The following KIF1C variants were observed in gnomAD, a reference collection of about 807,000 sequenced individuals.
KIF1C encodes the protein kinesin-like protein KIF1C.
KIF1C carries 61 observed loss-of-function variants against 126.5 expected under a neutral mutation model. That is an observed-to-expected ratio of 0.48 (90% confidence interval 0.39 to 0.60). The LOEUF (loss-of-function observed/expected upper bound fraction) is 0.60. KIF1C is among the 20% of genes least tolerant of loss of function. KIF1C has a pLI of 0.00. For synonymous variants in KIF1C, 640 were observed against 580.6 expected, an observed-to-expected ratio of 1.10 and a Z score of -1.47; for missense variants, 1,315 against 1,489.2, an observed-to-expected ratio of 0.88 and a Z score of 1.93.
intron 16 of KIF1C, chr17:5,011,542 A>G (rs968297097): frequency 6.6e-6 from 1 of 152,246 alleles, no homozygotes; most frequent in African/African-American, 2.4e-5. Flanking sequence ...CACCGCCTCA[A>G]ATCGTGTTCC....
rs774144740 is a variant in KIF1C, at chr17:5,004,601, G to A, written c.975G>A (p.Leu325=). ...CACGCACAGCCATGATTGCAGCCCT[G>A]AGCCCTGCTGACATCAATTACGAGG... ...GNSRTAMIAA[L]SPADINYEET... The change falls in exon 12 of 23, where the codon CTG becomes CTA. Residue 325 remains leucine, a synonymous_variant. Transcript: ENST00000320785. 2.5e-6 allele frequency: 4 copies of A among 1,614,068 alleles called. No homozygotes were observed. In the African/African-American group the frequency reaches 4.0e-5, roughly 16 times the overall value.
intron 18 of KIF1C, chr17:5,019,244 G>A (rs1337844631): frequency 3.6e-5 from 6 of 167,632 alleles, no homozygotes; most frequent in Non-Finnish European, 7.3e-5. Flanking sequence ...TTACTTTTTT[G>A]GGCCTTCTAA....
In KIF1C at chr17:5,000,681, T is replaced by C. The variant is rs1458320222; in HGVS notation, c.107-91T>C. On this transcript the variant is annotated intron_variant, in intron 3 of 22. Coordinates refer to ENST00000320785, the MANE Select transcript of KIF1C (RefSeq NM_006612.6). ...GTCAGGACAGTGGTGAGGAGTGGGA[T>C]GCTTGGATTCCAGGGGCTGGTTGGG... 5.3e-6 allele frequency: 6 copies of C among 1,128,474 alleles called. No homozygotes were observed. In the East Asian group the frequency reaches 1.4e-4, roughly 26 times the overall value. The allele number at this position is 1,128,474 out of a possible 1,614,324, so 69.9% of individuals were successfully genotyped here.
rs572156268 is a variant in KIF1C, at chr17:5,001,349, C to A, written c.311C>A (p.Ser104Tyr). 1 of 1,614,094 alleles carries A rather than the reference C, an allele frequency of 6.2e-7. No homozygotes were observed. The highest frequency in any genetic ancestry group is 2.2e-5 in the East Asian group (1 of 44,884). Reference sequence around the variant, plus strand: ...TATGGGCAGACCGGGGCTGGGAAATCCTATACCATGATGGGGCGACAGGAG... The same window carrying A: ...TATGGGCAGACCGGGGCTGGGAAATACTATACCATGATGGGGCGACAGGAG... ...FAYGQTGAGK[S>Y]YTMMGRQEPG... Residue 104 changes from serine to tyrosine, a missense_variant, in exon 5 of 23, where the codon TCC becomes TAC. Around this residue, in one of 2 missense-constraint regions of KIF1C, gnomAD observed 874 missense variants for 1,053.2 expected, o/e 0.83. Coordinates refer to ENST00000320785, the MANE Select transcript of KIF1C (RefSeq NM_006612.6).
In KIF1C at chr17:5,001,323, C is replaced by T. The variant is rs1430985908; in HGVS notation, c.285C>T (p.Ala95=). The T allele has an allele frequency of 1.2e-6, 2 of 1,614,168 alleles. No homozygotes were observed. The highest frequency in any genetic ancestry group is 1.3e-5 in the African/African-American group (1 of 75,048). ...AAGGCTACAACGTGTGCATCTTTGC[C>T]TATGGGCAGACCGGGGCTGGGAAAT... ...AFEGYNVCIF[A]YGQTGAGKSY... The change falls in exon 5 of 23, where the codon GCC becomes GCT. Residue 95 remains alanine, a synonymous_variant. Coordinates refer to ENST00000320785, the MANE Select transcript of KIF1C (RefSeq NM_006612.6).
rs34061009 is a variant in KIF1C, at chr17:5,026,740, C to CA, written c.*2610dup. On this transcript the variant is annotated 3_prime_UTR_variant, in exon 23 of 23. Transcript: ENST00000320785. ...GGCCTGGGCAAGAGTGGGACTCTCT[C>CA]AAAAAAAAAAAAAAAAAAAAATCCA... 60,370 of 98,900 alleles carry CA rather than the reference C, an allele frequency of 0.61. 19,294 individuals carry two copies. Among genetic ancestry groups the CA allele is most frequent in the Non-Finnish European group, 0.7 (36,127 of 51,886 alleles). The allele number at this position is 98,900 out of a possible 1,614,324, so 6.1% of individuals were successfully genotyped here. A position where few individuals can be genotyped will look rare whatever the true frequency, so the allele number is the denominator to read the frequency against.
Position 5,023,514 on chromosome 17 carries a change from C to T in KIF1C, c.2675C>T (p.Pro892Leu), listed in dbSNP as rs768593463. Residue 892 changes from proline to leucine, a missense_variant, in exon 23 of 23, where the codon CCG becomes CTG. Physicochemically the swap from Pro to Leu is moderately conservative, Grantham distance 98. This residue lies in a region of KIF1C where 441 missense variants were observed against 436.1 expected (regional missense o/e 1.01). Coordinates refer to ENST00000320785, the MANE Select transcript of KIF1C (RefSeq NM_006612.6). This position sits in a 1 kb window ranked among gnomAD's most constrained non-coding sequence, Gnocchi z 4.2. Reference protein sequence around the residue: ...NEEGGEVPWAPPEGSEAAEEA... With the variant: ...NEEGGEVPWALPEGSEAAEEA... Reference sequence around the variant, plus strand: ...GAAGGTGGTGAGGTCCCCTGGGCCCCGCCTGAAGGATCAGAGGCAGCAGAG... The same window carrying T: ...GAAGGTGGTGAGGTCCCCTGGGCCCTGCCTGAAGGATCAGAGGCAGCAGAG... The T allele has an allele frequency of 1.2e-5, 20 of 1,613,914 alleles. No homozygotes were observed. Among genetic ancestry groups the T allele is most frequent in the African/African-American group, 1.2e-4 (9 of 74,868 alleles).
intron 3 of KIF1C, 67 bp from the exon 4 acceptor site, chr17:5,000,705 G>A (rs1974566144): frequency 5.7e-6 from 8 of 1,401,150 alleles, no homozygotes; most frequent in African/African-American, 1.4e-5. Flanking sequence ...GGGCTGGTTG[G>A]GGTATGGGCA....
rs183619496 is a variant in KIF1C at position 5,022,244 on chromosome 17, C to G, written c.2163C>G (p.Ala721=). Residue 721 remains alanine (A), a synonymous_variant, in exon 22 of 23, where the codon GCC becomes GCG. Coordinates refer to ENST00000320785, the MANE Select transcript of KIF1C (RefSeq NM_006612.6). This position sits in a 1 kb window ranked among gnomAD's most constrained non-coding sequence, Gnocchi z 4.9. ...TGCCCAGCAGTGGCAAGCGCAGGGC[C>G]CCTCGCAGGGTTTATCAGATCCCCC... is the stretch of plus-strand genomic sequence containing the variant. ...CGLPSSGKRR[A]PRRVYQIPQR... is the part of the protein sequence containing the mutation. 2.5e-6 allele frequency: 4 copies of G among 1,614,164 alleles called. No individual in the cohort carries two copies. In the East Asian group the frequency reaches 8.9e-5, roughly 36 times the overall value.
In KIF1C at chr17:5,001,257, G is replaced by T; in HGVS notation, c.219G>T (p.Val73=). ...EDPQFASQQQ[V]YRDIGEEMLL... is the part of the protein sequence containing the mutation. ...CCCAGTTTGCATCTCAGCAGCAAGTGTATCGGGACATTGGAGAAGAGATGC... is the reference window on the plus strand; with the variant it reads ...CCCAGTTTGCATCTCAGCAGCAAGTTTATCGGGACATTGGAGAAGAGATGC... Residue 73 remains valine, a synonymous_variant, in exon 5 of 23, where the codon GTG becomes GTT. Coordinates refer to ENST00000320785, the MANE Select transcript of KIF1C (RefSeq NM_006612.6). 6.2e-7 allele frequency: 1 copy of T among 1,614,170 alleles called. No homozygotes were observed. Among genetic ancestry groups the T allele is most frequent in the African/African-American group, 1.3e-5 (1 of 75,050 alleles).
chr17:5,001,155 G>A, intron 4 of KIF1C, 67 bp from the exon 5 acceptor site: 2 of 1,508,392 alleles, frequency 1.3e-6, no homozygotes, highest in East Asian at 2.3e-5. Context: ...AGACTCTTGG[G>A]ACAGAGACAC....
intron 18 of KIF1C, 69 bp downstream of exon 18, chr17:5,014,906 C>A: frequency 7.6e-7 from 1 of 1,319,302 alleles, no homozygotes; most frequent in Non-Finnish European, 1.1e-6. Context: ...ACACACTGAA[C>A]TCAGAGGTCT....
At chr17:5,021,169 GTT>G (rs765920431) in intron 21 of KIF1C, among the ~76,000 whole-genome samples, 112 of 77,396 alleles carry the variant, frequency 1.4e-3, no homozygotes, top group African/African-American at 4.6e-3. Flanking sequence ...GATTGTTGTG[GTT>G]TTTTTTTTTT....
intron 8 of KIF1C, 40 bp from the exon 9 acceptor site, chr17:5,003,572 C>T (rs561133764): frequency 3.4e-6 from 5 of 1,467,394 alleles, no homozygotes; most frequent in Admixed American, 1.8e-5. Flanking sequence ...CCCCGTCCCC[C>T]ACCCGCACCT....
intron 13 of KIF1C, among the ~76,000 whole-genome samples, 175 bp from the exon 14 acceptor site, chr17:5,006,740 G>A (rs1974742735): frequency 6.6e-6 from 1 of 152,176 alleles, no homozygotes; most frequent in African/African-American, 2.4e-5. Context: ...TAGAGAGACT[G>A]GGTGCCCATT....
At chr17:5,017,613 T>C (rs1348062114) in intron 18 of KIF1C, among the ~76,000 whole-genome samples, 1 of 152,126 alleles carries the variant, frequency 6.6e-6, no homozygotes, top group African/African-American at 2.4e-5. Flanking sequence ...TGGGCCTCAG[T>C]TCTTAACAGC....
chr17:5,011,478 G>A (rs1172810216), intron 16 of KIF1C: 1 of 152,246 alleles, frequency 6.6e-6, no homozygotes, highest in Non-Finnish European at 1.5e-5. Flanking sequence ...TAGGCTTCTA[G>A]AGAAGGTTTC....
chr17:5,000,720 CT>C, intron 3 of KIF1C, 51 bp from the exon 4 acceptor site: 1 of 1,541,304 alleles, frequency 6.5e-7, no homozygotes, highest in Middle Eastern at 1.7e-4. Context: ...TGGGCAGGGA[CT>C]GGGAATACCT....
chr17:4,998,035 G>C lies in KIF1C; in HGVS notation c.-270G>C, dbSNP rs1974427826. On this transcript the variant is annotated 5_prime_UTR_variant, in exon 1 of 23. Transcript: ENST00000320785. ...CGCGAGTCCGCCGCCCGCCGCCCGGGCACCCGGCGAGGGGCGGGGGCAGCT... is the reference window on the plus strand; with the variant it reads ...CGCGAGTCCGCCGCCCGCCGCCCGGCCACCCGGCGAGGGGCGGGGGCAGCT... The C allele has an allele frequency of 1.3e-5, 2 of 149,898 alleles. No individual in the cohort carries two copies. Among genetic ancestry groups the C allele is most frequent in the Non-Finnish European group, 3.0e-5 (2 of 67,238 alleles). 9.3% of individuals were successfully genotyped at this position (149,898 alleles called of 1,614,324 possible).
Sources: gnomAD v4.1 joint callset for allele counts (sites outside exome capture counted in the v4.1 genomes callset) on GRCh38, gnomAD v4.1.1 for gene constraint, gnomAD v4.1.1 regional missense constraint, Gnocchi (gnomAD v3.1) non-coding constraint, MANE v1.5 for transcripts, NCBI Gene and HGNC (gene_info 2026-07-23, HGNC 2026-07-21) for gene names.